The following RACGAP1 variants were observed in gnomAD, a reference collection of about 807,000 sequenced individuals.
RACGAP1 encodes rac GTPase-activating protein 1.
Under a neutral mutation model 78.1 loss-of-function variants are expected in RACGAP1, and 30 were observed. The ratio of observed to expected loss-of-function variants is 0.38; its 90% CI spans 0.29 to 0.52. RACGAP1 has a LOEUF of 0.52. RACGAP1 is among the 20% of genes least tolerant of loss of function. RACGAP1 has a pLI of 0.82. For synonymous variants in RACGAP1, 231 were observed against 264.8 expected (o/e 0.87, Z 1.24); for missense variants, 587 against 777.1 (o/e 0.76, Z 2.91).
chr12:50,001,245 G>A lies in RACGAP1; in HGVS notation c.557C>T (p.Thr186Ile), dbSNP rs1403121176. 1 of 1,608,538 alleles carries A rather than the reference G, an allele frequency of 6.2e-7. No homozygotes were observed. Among genetic ancestry groups the A allele is most frequent in the Admixed American group, 1.7e-5 (1 of 59,982 alleles). ...GGGACCATCAACAAACTGTCGGCTA[G>A]TAGAGCGCTAGAAAGGAGACAAAGA... ...KLKKREKRRS[T>I]SRQFVDGPPG... Residue 186 changes from threonine to isoleucine, a missense_variant, in exon 7 of 17, where the codon ACT (threonine) becomes ATT (isoleucine). Coordinates refer to ENST00000312377, the MANE Select transcript of RACGAP1 (RefSeq NM_001319999.2).
rs1397697123 is a variant in RACGAP1, at chr12:49,989,631, T to C, written c.*637A>G. 6.6e-6 allele frequency: 1 copy of C among 152,206 alleles called. No individual in the cohort carries two copies. Among genetic ancestry groups the C allele is most frequent in the Non-Finnish European group, 1.5e-5 (1 of 68,032 alleles). The allele number at this position is 152,206 out of a possible 1,614,324, so 9.4% of individuals were successfully genotyped here. A position where few individuals can be genotyped will look rare whatever the true frequency, so the allele number is the denominator to read the frequency against. Reference sequence around the variant, plus strand: ...GAGTTGTACTTTCACATTTACAAGGTTGTGCCACTCAACACTATTAAAGAC... The same window carrying C: ...GAGTTGTACTTTCACATTTACAAGGCTGTGCCACTCAACACTATTAAAGAC... On this transcript the variant is annotated 3_prime_UTR_variant, in exon 17 of 17. Coordinates refer to ENST00000312377, the MANE Select transcript of RACGAP1 (RefSeq NM_001319999.2).
intron 6 of RACGAP1, among the ~76,000 whole-genome samples, chr12:50,001,544 G>C (rs1948676847): frequency 1.3e-5 from 2 of 152,106 alleles, no homozygotes; most frequent in South Asian, 4.1e-4. Context: ...CCTAACTAAG[G>C]ACATGAAGTC....
At chr12:50,032,721 T>C (rs1251429225) in intron 1 of RACGAP1, among the ~76,000 whole-genome samples, 2 of 152,186 alleles carry the variant, frequency 1.3e-5, no homozygotes, top group Non-Finnish European at 2.9e-5. Context: ...GATTCCCCGC[T>C]CTGCCACCTA....
chr12:50,007,323 T>C (rs1258727648), intron 2 of RACGAP1, among the ~76,000 whole-genome samples: 4 of 151,750 alleles, frequency 2.6e-5, no homozygotes, highest in African/African-American at 9.7e-5. Flanking sequence ...TCTCTTCAAA[T>C]GTCTGCAAAG....
rs997383601 is a variant in RACGAP1 at position 50,016,901 on chromosome 12, G to A, written c.-4-182C>T. 32 of 1,346,148 alleles carry A rather than the reference G, an allele frequency of 2.4e-5. No individual in the cohort carries two copies. The African/African-American group carries it at 4.6e-4, about 20-fold the overall frequency. The allele number at this position is 1,346,148 out of a possible 1,614,324, so 83.4% of individuals were successfully genotyped here. On this transcript the variant is annotated intron_variant, in intron 1 of 16. Coordinates refer to ENST00000312377, the MANE Select transcript of RACGAP1 (RefSeq NM_001319999.2). The stretch of plus-strand genomic sequence containing the variant: ...CTTATTATAAAAACAAACTTGGAAT[G>A]TTTAAGACTCATCTGAAAATTAGAA...
At chr12:50,027,092 G>C (rs949692897), upstream of RACGAP1, among the ~76,000 whole-genome samples, 1 of 152,132 alleles carries the variant, frequency 6.6e-6, no homozygotes, top group Non-Finnish European at 1.5e-5. Flanking sequence ...TATCTCACAG[G>C]TTTATTCCCA....
chr12:50,024,734 C>T (rs1211056656), intron 1 of RACGAP1, among the ~76,000 whole-genome samples: 1 of 151,870 alleles, frequency 6.6e-6, no homozygotes. Context: ...TCTCTAAACA[C>T]CTACAATAAC....
At chr12:50,008,169 GAAAA>G (rs71441313) in intron 2 of RACGAP1, among the ~76,000 whole-genome samples, 15 of 60,684 alleles carry the variant, frequency 2.5e-4, no homozygotes, top group Middle Eastern at 0.015. Flanking sequence ...TGAGAAATGT[GAAAA>G]AAAAAAAAAA....
chr12:49,999,201 G>A lies in RACGAP1; in HGVS notation c.819C>T (p.Asp273=). ...SRQLEPRTET[D]SVGTPQSNGG... ...CATTACTCTGTGGCGTGCCCACACT[G>A]TCTGTCTCAGTTCTTGGCTCCAGCT... Residue 273 remains aspartate (D), a synonymous_variant, in exon 9 of 17, where the codon GAC becomes GAT. Coordinates refer to ENST00000312377, the MANE Select transcript of RACGAP1 (RefSeq NM_001319999.2). 6.2e-7 allele frequency: 1 copy of A among 1,614,142 alleles called. No individual in the cohort carries two copies. The highest frequency in any genetic ancestry group is 8.5e-7 in the Non-Finnish European group (1 of 1,180,022).
intron 10 of RACGAP1, 46 bp downstream of exon 10, chr12:49,996,994 G>T: frequency 7.0e-7 from 1 of 1,427,596 alleles, no homozygotes; most frequent in Non-Finnish European, 9.3e-7. Flanking sequence ...CCTTTGAAAG[G>T]CGAATAAAGA....
chr12:50,001,326 A>T (rs1201792195), intron 6 of RACGAP1, 74 bp from the exon 7 acceptor site: 8 of 1,260,970 alleles, frequency 6.3e-6, no homozygotes, highest in Non-Finnish European at 9.2e-6. Flanking sequence ...TTATTCCATC[A>T]AACAACTTGG....
At chr12:50,010,226 GACA>G (rs2137509392) in intron 2 of RACGAP1, among the ~76,000 whole-genome samples, 1 of 151,346 alleles carries the variant, frequency 6.6e-6, no homozygotes, top group East Asian at 1.9e-4. Context: ...GAGAAAACAA[GACA>G]ACAAAATATG....
chr12:50,024,963 G>A (rs973355958), intron 1 of RACGAP1, among the ~76,000 whole-genome samples: 2 of 151,878 alleles, frequency 1.3e-5, no homozygotes, highest in African/African-American at 4.8e-5. Flanking sequence ...GCCTTGCCTT[G>A]CCTCCCTAGA....
At chr12:50,002,417 A>G (rs940560911) in intron 5 of RACGAP1, 117 bp from the exon 6 acceptor site, 134 of 757,130 alleles carry the variant, frequency 1.8e-4, no homozygotes, top group Non-Finnish European at 2.8e-4. Flanking sequence ...CTAACGTACA[A>G]TTCGGGGAGG....
chr12:50,005,065 AAAAATAAAAT>A (rs1220218158), intron 4 of RACGAP1, among the ~76,000 whole-genome samples, 181 bp downstream of exon 4: 1 of 152,260 alleles, frequency 6.6e-6, no homozygotes, highest in East Asian at 1.9e-4. Flanking sequence ...GGAAAGATTT[AAAAATAAAAT>A]AAAATAAAAT....
Position 49,999,898 on chromosome 12 carries a change from C to G in RACGAP1, c.631-165G>C, listed in dbSNP as rs184351328. The stretch of plus-strand genomic sequence containing the variant: ...AGAGTTTTTCACTCTACCGCCCAGG[C>G]TGGAGAACAGTGGCGTGATCTCGGC... On this transcript the variant is annotated intron_variant, in intron 7 of 16. Transcript: ENST00000312377. Among the ~76,000 whole-genome samples the G allele has an allele frequency of 1.7e-3, 256 of 152,250 alleles. 1 individual carries two copies. The highest frequency in any genetic ancestry group is 5.8e-3 in the African/African-American group (239 of 41,526).
intron 9 of RACGAP1, among the ~76,000 whole-genome samples, chr12:49,997,927 T>A (rs1387425714): frequency 6.6e-6 from 1 of 152,212 alleles, no homozygotes; most frequent in East Asian, 1.9e-4. Context: ...AAAAATTTTC[T>A]AAGCCCTTTA....
intron 10 of RACGAP1, among the ~76,000 whole-genome samples, chr12:49,996,648 AAAAAAAAAAAAAAAAAAAAAT>A (rs1273378696): frequency 2.8e-5 from 4 of 144,196 alleles, no homozygotes; most frequent in African/African-American, 1.0e-4. Flanking sequence ...AAAAAAAAAA[AAAAAAAAAAAAAAAAAAAAAT>A]GGACACAAGT....
At chr12:50,002,749 C>T (rs981874289) in intron 5 of RACGAP1, 3 of 153,152 alleles carry the variant, frequency 2.0e-5, no homozygotes, top group East Asian at 1.9e-4. Context: ...AGTTGCCAGG[C>T]GATGGCTCAT....
Sources: gnomAD v4.1 joint callset for allele counts (sites outside exome capture counted in the v4.1 genomes callset) on GRCh38, gnomAD v4.1.1 for gene constraint, MANE v1.5 for transcripts, NCBI Gene and HGNC (gene_info 2026-07-23, HGNC 2026-07-21) for gene names.